Variants in ICA1L observed in about 807,000 individuals in gnomAD.
The protein encoded by ICA1L is islet cell autoantigen 1-like protein.
ICA1L carries 50 observed loss-of-function variants against 61.3 expected under a neutral mutation model. The observed-to-expected ratio is 0.82, with a 90% CI of 0.65 to 1.03. The LOEUF is 1.03. Among genes scored for constraint, ICA1L ranks in the 50% least tolerant of loss-of-function variants. The pLI, the probability that ICA1L is intolerant of heterozygous loss-of-function variation, is 0.00. For missense variants in ICA1L, 508 were observed against 556.7 expected (o/e 0.91, Z 0.88); for synonymous variants, 161 against 191.3 (o/e 0.84, Z 1.31).
At position 202,836,812 on chromosome 2, in the gene ICA1L, T is replaced by TAGATATATAGATATAGATATAGATATAG. The variant is rs1192342177; in HGVS notation, c.-7-7797_-7-7796insCTATATCTATATCTATATCTATATATCT. On this transcript the variant is annotated intron_variant, in intron 1 of 12. Transcript: ENST00000358299. ...GTGTATATCTATATATATAGATATA[T>TAGATATATAGATATAGATATAGATATAG]ATAGATATATAGATATAGATACAGA... 5.6e-3 allele frequency among the ~76,000 whole-genome samples: 822 copies of TAGATATATAGATATAGATATAGATATAG among 147,658 alleles called. 7 individuals carry two copies. Among genetic ancestry groups the TAGATATATAGATATAGATATAGATATAG allele is most frequent in the Non-Finnish European group, 9.4e-3 (623 of 66,590 alleles).
chr2:202,773,666 G>C lies in ICA1L; in HGVS notation c.*5867C>G. The C allele has an allele frequency of 5.1e-6, 4 of 780,676 alleles. No individual in the cohort carries two copies. Among genetic ancestry groups the C allele is most frequent in the Non-Finnish European group, 8.4e-6 (4 of 477,262 alleles). The allele number at this position is 780,676 out of a possible 1,614,324, so 48.4% of individuals were successfully genotyped here. A position where few individuals can be genotyped will look rare whatever the true frequency, so the allele number is the denominator to read the frequency against. On this transcript the variant is annotated 3_prime_UTR_variant, in exon 13 of 13. Transcript: ENST00000358299. ...AATTCCATCCATTTGAGCTTTCAGAGATAGATGCCCAAGAGCTATCATTAA... is the reference window on the plus strand; with the variant it reads ...AATTCCATCCATTTGAGCTTTCAGACATAGATGCCCAAGAGCTATCATTAA...
At chr2:202,860,502 C>T (rs1694881547) in intron 1 of ICA1L, among the ~76,000 whole-genome samples, 1 of 151,966 alleles carries the variant, frequency 6.6e-6, no homozygotes, top group Non-Finnish European at 1.5e-5. Flanking sequence ...GCCTGTAATC[C>T]CAGCACTTTG....
intron 12 of ICA1L, among the ~76,000 whole-genome samples, chr2:202,781,256 T>TTCA (rs1692393432): frequency 6.6e-6 from 1 of 152,026 alleles, no homozygotes; most frequent in Non-Finnish European, 1.5e-5. Flanking sequence ...AGTAAATACA[T>TTCA]TCATCAACAA....
intron 1 of ICA1L, among the ~76,000 whole-genome samples, chr2:202,861,876 T>A (rs1353087768): frequency 1.9e-5 from 2 of 103,108 alleles, no homozygotes; most frequent in African/African-American, 7.0e-5. Flanking sequence ...AAAGTGAGAT[T>A]CAGACTCAAA....
chr2:202,808,244 T>C lies in ICA1L; in HGVS notation c.910+3502A>G, dbSNP rs374836562. Among the ~76,000 whole-genome samples, 31 of 152,258 alleles carry C rather than the reference T, an allele frequency of 2.0e-4. No homozygotes were observed. In the East Asian group the frequency reaches 5.6e-3, roughly 28 times the overall value. On this transcript the variant is annotated intron_variant, in intron 9 of 12. Transcript: ENST00000358299. ...TGCCCTGGGCTAAAGGGGAGCCCAC[T>C]ACCTTGAAGGGAGAGTCCTAAAAAT... is the stretch of plus-strand genomic sequence containing the variant.
At chr2:202,791,426 TTAAA>T (rs1347495092) in intron 10 of ICA1L, among the ~76,000 whole-genome samples, 1 of 152,154 alleles carries the variant, frequency 6.6e-6, no homozygotes, top group African/African-American at 2.4e-5. Flanking sequence ...AGCAACCCAA[TTAAA>T]TAATGGTCAA....
intron 1 of ICA1L, among the ~76,000 whole-genome samples, chr2:202,852,943 A>C (rs934104528): frequency 1.1e-4 from 17 of 151,922 alleles, no homozygotes; most frequent in African/African-American, 4.1e-4. Context: ...ACCTGACAAG[A>C]AATGGGGAAA....
chr2:202,809,368 G>T (rs562336715), intron 9 of ICA1L, among the ~76,000 whole-genome samples: 1 of 152,042 alleles, frequency 6.6e-6, no homozygotes, highest in African/African-American at 2.4e-5. Context: ...AAAGAGAATA[G>T]GCCAGGTGCA....
intron 1 of ICA1L, chr2:202,841,301 C>T (rs902947741): frequency 1.4e-4 from 103 of 751,404 alleles, no homozygotes; most frequent in Admixed American, 2.4e-4. Context: ...CTGCCTCCAG[C>T]TTCAGCCTTT....
chr2:202,812,053 A>G (rs1693393773), intron 8 of ICA1L, among the ~76,000 whole-genome samples: 1 of 152,186 alleles, frequency 6.6e-6, no homozygotes, highest in South Asian at 2.1e-4. Flanking sequence ...TCAATCTTCA[A>G]GAACCTTCAC....
chr2:202,773,562 AAAAG>A lies in ICA1L; in HGVS notation c.*5967_*5970del. The A allele has an allele frequency of 4.5e-6, 2 of 446,138 alleles. No individual in the cohort carries two copies. The highest frequency in any genetic ancestry group is 8.0e-6 in the Non-Finnish European group (2 of 249,044). 27.6% of individuals were successfully genotyped at this position (446,138 alleles called of 1,614,324 possible). A position where few individuals can be genotyped will look rare whatever the true frequency, so the allele number is the denominator to read the frequency against. On this transcript the variant is annotated 3_prime_UTR_variant, in exon 13 of 13. Coordinates refer to ENST00000358299, the MANE Select transcript of ICA1L (RefSeq NM_001288622.3). ...AACACGGGCAGAACAAGAGTACAAT[AAAAG>A]AAGCGTCTGCAACTTAAGCCGTCCA...
At chr2:202,820,605 T>A (rs1339294381) in intron 4 of ICA1L, among the ~76,000 whole-genome samples, 1 of 152,188 alleles carries the variant, frequency 6.6e-6, no homozygotes, top group African/African-American at 2.4e-5. Context: ...CTAGCAGAAC[T>A]AATGAGTATG....
At chr2:202,845,037 T>TA (rs1324774504) in intron 1 of ICA1L, among the ~76,000 whole-genome samples, 2 of 152,232 alleles carry the variant, frequency 1.3e-5, no homozygotes, top group Non-Finnish European at 2.9e-5. Context: ...TCTAATTCTA[T>TA]ATGTCATCAC....
chr2:202,803,660 G>A (rs1052560720), intron 9 of ICA1L, among the ~76,000 whole-genome samples: 3 of 151,806 alleles, frequency 2.0e-5, no homozygotes, highest in Non-Finnish European at 4.4e-5. Flanking sequence ...CTCAGTTTCT[G>A]GAGTAGCTGG....
chr2:202,860,416 A>AT (rs1484057324), intron 1 of ICA1L, among the ~76,000 whole-genome samples: 2 of 152,260 alleles, frequency 1.3e-5, no homozygotes, highest in East Asian at 3.9e-4. Context: ...AGAGATTGTA[A>AT]TACAGGATAG....
chr2:202,865,778 C>T (rs1308036020), intron 1 of ICA1L, among the ~76,000 whole-genome samples: 1 of 152,024 alleles, frequency 6.6e-6, no homozygotes, highest in African/African-American at 2.4e-5. Flanking sequence ...TAGTAGCAAA[C>T]AATTAGGAAG....
At chr2:202,789,680 C>A (rs552886995) in intron 10 of ICA1L, among the ~76,000 whole-genome samples, 1 of 152,140 alleles carries the variant, frequency 6.6e-6, no homozygotes, top group Non-Finnish European at 1.5e-5. Context: ...GTTGTTACAC[C>A]TGTAAATCTT....
At chr2:202,865,351 C>A (rs2105892960) in intron 1 of ICA1L, among the ~76,000 whole-genome samples, 1 of 151,776 alleles carries the variant, frequency 6.6e-6, no homozygotes, top group African/African-American at 2.4e-5. Flanking sequence ...CTCCTGTAAT[C>A]CCAGCTACTC....
At chr2:202,861,272 G>T (rs1188459420) in intron 1 of ICA1L, among the ~76,000 whole-genome samples, 1 of 151,410 alleles carries the variant, frequency 6.6e-6, no homozygotes, top group Non-Finnish European at 1.5e-5. Flanking sequence ...AGGAGTGGTG[G>T]CTCGCACCTG....
Sources: allele counts gnomAD v4.1 joint callset (sites outside exome capture counted in the v4.1 genomes callset), GRCh38; gene constraint gnomAD v4.1.1; transcripts MANE v1.5; gene names NCBI Gene and HGNC (gene_info 2026-07-23, HGNC 2026-07-21).